Variants in FBXO4 observed in about 807,000 individuals in gnomAD.
The protein encoded by FBXO4 is F-box protein 4.
In FBXO4, 36 loss-of-function variants were observed where a neutral mutation model predicts 43.7. The ratio of observed to expected loss-of-function variants is 0.82; its 90% confidence interval spans 0.63 to 1.09. FBXO4 has a LOEUF of 1.09. FBXO4 is among the 50% of genes least tolerant of loss of function. FBXO4 has a pLI of 0.00. For missense variants in FBXO4, 435 were observed against 474.1 expected, an observed-to-expected ratio of 0.92 and a Z score of 0.77; for synonymous variants, 180 against 165.6, an observed-to-expected ratio of 1.09 and a Z score of -0.67.
chr5:42,030,990 A>G, the FBXO4 span, among the ~76,000 whole-genome samples: 2 of 152,330 alleles, frequency 1.3e-5, 1 homozygote, highest in African/African-American at 4.8e-5. Context: ...AGAAATAGGA[A>G]CACTTTTGCA....
chr5:42,002,670 C>T, the FBXO4 span, among the ~76,000 whole-genome samples: 1 of 152,148 alleles, frequency 6.6e-6, no homozygotes, highest in African/African-American at 2.4e-5. Flanking sequence ...GTATCTATGT[C>T]ATCTATCTAT....
At chr5:41,956,845 T>C in the FBXO4 span, among the ~76,000 whole-genome samples, 1 of 151,894 alleles carries the variant, frequency 6.6e-6, no homozygotes, top group Admixed American at 6.6e-5. Flanking sequence ...CCCAAGTAGC[T>C]GGGATTACAG....
the FBXO4 span, among the ~76,000 whole-genome samples, chr5:41,947,490 C>G: frequency 2.0e-5 from 3 of 152,152 alleles, no homozygotes; most frequent in African/African-American, 7.2e-5. Context: ...ATTCAGGACT[C>G]CAGAAGTGGA....
the FBXO4 span, among the ~76,000 whole-genome samples, chr5:41,956,661 A>G: frequency 6.6e-6 from 1 of 150,748 alleles, no homozygotes; most frequent in Non-Finnish European, 1.5e-5. Flanking sequence ...TTTTTCTGAT[A>G]AGAAGTCAGC....
At chr5:41,970,245 A>T in the FBXO4 span, among the ~76,000 whole-genome samples, 1 of 152,058 alleles carries the variant, frequency 6.6e-6, no homozygotes, top group Non-Finnish European at 1.5e-5. Context: ...AAAATGCTAA[A>T]CCTAAAATGG....
the FBXO4 span, among the ~76,000 whole-genome samples, chr5:42,028,357 T>C: frequency 6.6e-6 from 1 of 151,976 alleles, no homozygotes; most frequent in East Asian, 1.9e-4. Flanking sequence ...TCTTTTTTGG[T>C]TTCCATTGGC....
the FBXO4 span, among the ~76,000 whole-genome samples, chr5:41,965,048 A>G: frequency 6.6e-6 from 1 of 152,114 alleles, no homozygotes; most frequent in African/African-American, 2.4e-5. Context: ...TCCATCTTGA[A>G]TTAATTTTTG....
rs752505787 is a variant in FBXO4, at chr5:41,939,422, T to G, written c.899-19T>G. ...ATTAAAAGTAATGCAAATTAAGGGT[T>G]TTGACTTACATTCCTTAGGACATGA... is the stretch of plus-strand genomic sequence containing the variant. On this transcript the variant is annotated intron_variant, in intron 5 of 6. Transcript: ENST00000281623. 1 of 1,576,446 alleles carries G rather than the reference T, an allele frequency of 6.3e-7. No homozygotes were observed.
the FBXO4 span, among the ~76,000 whole-genome samples, chr5:41,960,251 T>A: frequency 6.6e-6 from 1 of 152,120 alleles, no homozygotes; most frequent in Non-Finnish European, 1.5e-5. Flanking sequence ...TAACAGTTTT[T>A]TTTGGCAGAG....
At chr5:41,929,653 G>C (rs1751615611) in intron 2 of FBXO4, 44 bp from the exon 3 acceptor site, 5 of 1,385,426 alleles carry the variant, frequency 3.6e-6, no homozygotes, top group Non-Finnish European at 5.0e-6. Flanking sequence ...TGAATAACTG[G>C]CTGTTTTCTG....
chr5:41,943,080 A>T (rs1040354683), downstream of FBXO4, among the ~76,000 whole-genome samples: 1 of 152,100 alleles, frequency 6.6e-6, no homozygotes, highest in Non-Finnish European at 1.5e-5. Context: ...TTTTTAGGTA[A>T]AGAAATTGAG....
the FBXO4 span, among the ~76,000 whole-genome samples, chr5:42,002,883 C>A: frequency 6.6e-6 from 1 of 152,152 alleles, no homozygotes; most frequent in Non-Finnish European, 1.5e-5. Flanking sequence ...TGCTTAGAAG[C>A]AAACTTGCTG....
chr5:41,948,499 A>C, the FBXO4 span, among the ~76,000 whole-genome samples: 1 of 152,058 alleles, frequency 6.6e-6, no homozygotes, highest in South Asian at 2.1e-4. Context: ...TTTGTTTATC[A>C]TAGTCTATCT....
the FBXO4 span, among the ~76,000 whole-genome samples, chr5:42,018,980 A>G: frequency 2.0e-5 from 3 of 152,300 alleles, no homozygotes; most frequent in East Asian, 1.9e-4. Context: ...CGAAGGGAAC[A>G]CTGGTTAATT....
chr5:41,930,201 A>G (rs903040955), intron 3 of FBXO4: 2 of 294,340 alleles, frequency 6.8e-6, no homozygotes, highest in African/African-American at 4.3e-5. Flanking sequence ...TATCATATTT[A>G]TCATGTTTGA....
chr5:41,931,550 C>G (rs891959284), intron 3 of FBXO4, among the ~76,000 whole-genome samples: 1 of 152,216 alleles, frequency 6.6e-6, no homozygotes, highest in African/African-American at 2.4e-5. Flanking sequence ...AGAATGGAAG[C>G]TCCATGAAGG....
At chr5:41,956,601 T>TC in the FBXO4 span, among the ~76,000 whole-genome samples, 5 of 152,096 alleles carry the variant, frequency 3.3e-5, no homozygotes, top group Non-Finnish European at 1.5e-5. Flanking sequence ...TAACAGTTTT[T>TC]CCCCCAGCAA....
At chr5:41,938,162 C>T (rs1301248876) in intron 5 of FBXO4, among the ~76,000 whole-genome samples, 1 of 151,768 alleles carries the variant, frequency 6.6e-6, no homozygotes, top group Admixed American at 6.6e-5. Flanking sequence ...ATAAAAAAAA[C>T]TAATAGTGTA....
At chr5:41,926,073 A>G (rs1021187180) in intron 1 of FBXO4, among the ~76,000 whole-genome samples, 2 of 152,212 alleles carry the variant, frequency 1.3e-5, no homozygotes, top group Admixed American at 6.5e-5. Flanking sequence ...TGACACACAT[A>G]ACTTATTGTT....
Sources: gnomAD v4.1 joint callset for allele counts (sites outside exome capture counted in the v4.1 genomes callset) on GRCh38, gnomAD v4.1.1 for gene constraint, MANE v1.5 for transcripts, NCBI Gene and HGNC (gene_info 2026-07-23, HGNC 2026-07-21) for gene names.